Variants in GRIK4 observed in about 807,000 individuals in gnomAD.
GRIK4 encodes the protein glutamate ionotropic receptor kainate type subunit 4, also known as glutamate receptor ionotropic, kainate 4.
GRIK4 carries 40 observed loss-of-function variants against 104.9 expected under a neutral mutation model. The ratio of observed to expected loss-of-function variants is 0.38; its 90% CI spans 0.30 to 0.50. GRIK4 has a LOEUF of 0.50. Ranked by LOEUF, GRIK4 falls within the 20% of genes least tolerant of loss-of-function variation. GRIK4 has a pLI of 0.93. For missense variants in GRIK4, 1,047 were observed against 1,308.1 expected (o/e 0.80, Z 3.08); for synonymous variants, 485 against 524.9 (o/e 0.92, Z 1.04).
intron 1 of GRIK4, among the ~76,000 whole-genome samples, chr11:120,548,330 A>G (rs1948106568): frequency 6.6e-6 from 1 of 152,080 alleles, no homozygotes; most frequent in Non-Finnish European, 1.5e-5. Context: ...CACAGGGGCC[A>G]TGTGGGCAGA....
intron 6 of GRIK4, among the ~76,000 whole-genome samples, chr11:120,830,890 C>G (rs1489195187): frequency 6.6e-6 from 1 of 150,508 alleles, no homozygotes; most frequent in African/African-American, 2.5e-5. Context: ...TTTCCCTCCC[C>G]CACCCCATAC....
chr11:120,910,906 G>C (rs1156593847), intron 13 of GRIK4, among the ~76,000 whole-genome samples: 2 of 152,184 alleles, frequency 1.3e-5, no homozygotes, highest in East Asian at 1.9e-4. Flanking sequence ...AGAGACATTG[G>C]CCATCAAAGA....
chr11:120,977,070 T>G (rs117234657), intron 19 of GRIK4, among the ~76,000 whole-genome samples: 1 of 152,376 alleles, frequency 6.6e-6, no homozygotes, highest in East Asian at 1.9e-4. Context: ...ATTATTCATT[T>G]GCATTTGTGA....
chr11:120,557,332 G>A (rs1388845851), intron 1 of GRIK4, among the ~76,000 whole-genome samples: 1 of 152,094 alleles, frequency 6.6e-6, no homozygotes, highest in East Asian at 1.9e-4. Flanking sequence ...GGAAGAAAAC[G>A]GTACCTCCTG....
chr11:120,754,292 G>A (rs142590613), intron 3 of GRIK4, among the ~76,000 whole-genome samples: 18 of 152,326 alleles, frequency 1.2e-4, no homozygotes, highest in East Asian at 5.8e-4. Context: ...GATTATAGGC[G>A]TGAAGCACTG....
Position 120,823,738 on chromosome 11 carries a change from G to A in GRIK4, c.511+3818G>A, listed in dbSNP as rs572843525. Among the ~76,000 whole-genome samples the A allele has an allele frequency of 2.6e-5, 4 of 152,320 alleles. No individual in the cohort carries two copies. The South Asian group carries it at 6.2e-4, about 24-fold the overall frequency. On this transcript the variant is annotated intron_variant, in intron 6 of 20. Transcript: ENST00000527524. Reference sequence around the variant, plus strand: ...CCTTGTTCCCTCGAGCAGGGGTGCAGGACAGCTAAGCACAGACAAGGTTCT... The same window carrying A: ...CCTTGTTCCCTCGAGCAGGGGTGCAAGACAGCTAAGCACAGACAAGGTTCT...
intron 3 of GRIK4, among the ~76,000 whole-genome samples, chr11:120,675,749 C>A (rs1003685271): frequency 6.6e-6 from 1 of 151,912 alleles, no homozygotes; most frequent in Non-Finnish European, 1.5e-5. Flanking sequence ...ATAATACTCA[C>A]CTTATAGAAT....
At chr11:120,642,390 A>G (rs1042636167) in intron 1 of GRIK4, among the ~76,000 whole-genome samples, 2 of 152,140 alleles carry the variant, frequency 1.3e-5, no homozygotes, top group Admixed American at 6.5e-5. Context: ...CGAAAAGAAC[A>G]TTGACGGAGC....
intron 13 of GRIK4, among the ~76,000 whole-genome samples, chr11:120,908,304 T>A (rs1385943576): frequency 6.6e-6 from 1 of 152,116 alleles, no homozygotes; most frequent in Non-Finnish European, 1.5e-5. Context: ...AAGCTAAAAT[T>A]TCAGTTCATT....
At chr11:120,794,298 A>G (rs1040934416) in intron 3 of GRIK4, among the ~76,000 whole-genome samples, 2 of 149,512 alleles carry the variant, frequency 1.3e-5, no homozygotes, top group Non-Finnish European at 3.0e-5. Context: ...CGATGGTTGG[A>G]GGGGAAGGGT....
intron 10 of GRIK4, among the ~76,000 whole-genome samples, chr11:120,874,801 C>G (rs528726516): frequency 1.3e-5 from 2 of 152,060 alleles, no homozygotes; most frequent in Non-Finnish European, 2.9e-5. Context: ...AGTGCCTGCC[C>G]GGAGAGGATG....
intron 1 of GRIK4, among the ~76,000 whole-genome samples, chr11:120,601,235 A>G (rs182705198): frequency 2.0e-5 from 3 of 151,986 alleles, no homozygotes; most frequent in Non-Finnish European, 4.4e-5. Flanking sequence ...GTGAAACCTC[A>G]TCTCTAGTAA....
intron 3 of GRIK4, among the ~76,000 whole-genome samples, chr11:120,704,228 G>A (rs994887466): frequency 6.6e-6 from 1 of 152,192 alleles, no homozygotes; most frequent in Non-Finnish European, 1.5e-5. Context: ...TTCTTATGAT[G>A]ATATATATGC....
At chr11:120,539,590 T>C (rs1948011570) in intron 1 of GRIK4, among the ~76,000 whole-genome samples, 1 of 152,166 alleles carries the variant, frequency 6.6e-6, no homozygotes, top group Non-Finnish European at 1.5e-5. Context: ...GTATTTTAGG[T>C]TCAACAAATC....
In GRIK4 at chr11:120,627,176, G is replaced by A. The variant is rs577845153; in HGVS notation, c.-158-26509G>A. Among the ~76,000 whole-genome samples, 358 of 152,326 alleles carry A rather than the reference G, an allele frequency of 2.4e-3. 1 individual carries two copies. Among genetic ancestry groups the A allele is most frequent in the African/African-American group, 8.2e-3 (340 of 41,574 alleles). ...GGTCCCCAGGGCTCAGCACAGAGTA[G>A]GAATTTCATTAATGTTGGTTGATGA... On this transcript the variant is annotated intron_variant, in intron 1 of 20. Coordinates refer to ENST00000527524, the MANE Select transcript of GRIK4 (RefSeq NM_014619.5).
At chr11:120,565,804 A>T (rs553416064) in intron 1 of GRIK4, among the ~76,000 whole-genome samples, 1 of 152,220 alleles carries the variant, frequency 6.6e-6, no homozygotes, top group East Asian at 1.9e-4. Context: ...ACCTGGCCAC[A>T]TGAGAAAACT....
At chr11:120,661,046 C>G (rs1221133473) in intron 3 of GRIK4, among the ~76,000 whole-genome samples, 1 of 152,166 alleles carries the variant, frequency 6.6e-6, no homozygotes, top group Admixed American at 6.5e-5. Flanking sequence ...CTCCTCCCTG[C>G]TGGGACTGAA....
At chr11:120,816,525 A>G (rs7105286) in intron 5 of GRIK4, among the ~76,000 whole-genome samples, 73,819 of 151,656 alleles carry the variant, frequency 0.49, 18,953 homozygotes, top group African/African-American at 0.66. Flanking sequence ...AACAGGAGGA[A>G]CACTTGCTGC....
intron 1 of GRIK4, among the ~76,000 whole-genome samples, chr11:120,527,601 T>C (rs1287799174): frequency 1.3e-5 from 2 of 152,182 alleles, no homozygotes; most frequent in Non-Finnish European, 2.9e-5. Flanking sequence ...GGCTGGGGGC[T>C]GGGAGGAAGA....
Sources: gnomAD v4.1 joint callset for allele counts (sites outside exome capture counted in the v4.1 genomes callset) on GRCh38, gnomAD v4.1.1 for gene constraint, MANE v1.5 for transcripts, NCBI Gene and HGNC (gene_info 2026-07-23, HGNC 2026-07-21) for gene names.